COL28A1: variants seen among roughly 807,000 people sequenced by gnomAD.
COL28A1 encodes collagen type XXVIII alpha 1 chain, also known as collagen alpha-1(XXVIII) chain.
Under a neutral mutation model 150.2 loss-of-function variants are expected in COL28A1, and 161 were observed. That is an observed-to-expected ratio of 1.07 (90% CI 0.94 to 1.22). The LOEUF is 1.22. COL28A1 is among the 50% of genes most tolerant of loss of function. COL28A1 has a pLI of 0.00. For missense variants in COL28A1, 1,617 were observed against 1,388.3 expected (o/e 1.16, Z -2.62); for synonymous variants, 552 against 469.7 (o/e 1.18, Z -2.26).
chr7:7,451,888 G>GT (rs1163455490), intron 18 of COL28A1, among the ~76,000 whole-genome samples: 1 of 151,948 alleles, frequency 6.6e-6, no homozygotes, highest in Non-Finnish European at 1.5e-5. Flanking sequence ...TCAAATGCTC[G>GT]TAAGAATATG....
intron 18 of COL28A1, among the ~76,000 whole-genome samples, chr7:7,447,753 T>C (rs1216058637): frequency 6.6e-6 from 1 of 152,100 alleles, no homozygotes; most frequent in Non-Finnish European, 1.5e-5. Context: ...AAGAAAAGAT[T>C]AGTGAACTAA....
intron 11 of COL28A1, among the ~76,000 whole-genome samples, chr7:7,494,494 T>C (rs1467475879): frequency 1.3e-5 from 2 of 152,214 alleles, no homozygotes; most frequent in Non-Finnish European, 2.9e-5. Context: ...ATATCTGCCT[T>C]GTAGCATTGT....
chr7:7,375,718 C>A (rs568135632), intron 30 of COL28A1, among the ~76,000 whole-genome samples: 7 of 152,262 alleles, frequency 4.6e-5, no homozygotes, highest in Middle Eastern at 3.4e-3. Context: ...TTTTGGAATT[C>A]AAATTGCAAC....
the COL28A1 span, among the ~76,000 whole-genome samples, chr7:7,339,593 C>G: frequency 1.3e-5 from 2 of 152,106 alleles, no homozygotes; most frequent in African/African-American, 2.4e-5. Context: ...TCCTAGAGTT[C>G]TTCTCTTTCC....
At chr7:7,386,775 G>A (rs866788970) in intron 27 of COL28A1, among the ~76,000 whole-genome samples, 22 of 152,270 alleles carry the variant, frequency 1.4e-4, no homozygotes, top group Middle Eastern at 3.4e-3. Flanking sequence ...GCTAGCCTGG[G>A]AAGGGAAGCA....
intron 16 of COL28A1, among the ~76,000 whole-genome samples, chr7:7,455,188 C>T (rs961839253): frequency 2.6e-5 from 4 of 152,146 alleles, no homozygotes; most frequent in Non-Finnish European, 5.9e-5. Flanking sequence ...ATAATTCAAA[C>T]CTTACTCATA....
intron 27 of COL28A1, 54 bp downstream of exon 27, chr7:7,417,804 TC>T (rs373836398): frequency 6.1e-6 from 9 of 1,471,366 alleles, no homozygotes; most frequent in African/African-American, 5.6e-5. Context: ...CAACCTCTTC[TC>T]CCAATCACTC....
Position 7,531,798 on chromosome 7 carries a change from C to T in COL28A1, c.231G>A (p.Lys77=). The change falls in exon 3 of 35, where the codon AAG becomes AAA. Residue 77 remains lysine, a synonymous_variant. Transcript: ENST00000399429. ...QKDFVDSLSD[K]IFQLTPGRSL... Reference sequence around the variant, plus strand: ...AGCGACCAGGAGTCAATTGGAAAATCTTGTCACTCAAGCTATCCACAAAAT... The same window carrying T: ...AGCGACCAGGAGTCAATTGGAAAATTTTGTCACTCAAGCTATCCACAAAAT... 1.2e-6 allele frequency: 2 copies of T among 1,604,018 alleles called. No individual in the cohort carries two copies. The highest frequency in any genetic ancestry group is 1.7e-6 in the Non-Finnish European group (2 of 1,170,850).
At chr7:7,394,446 A>G (rs1256551837) in intron 27 of COL28A1, among the ~76,000 whole-genome samples, 2 of 152,226 alleles carry the variant, frequency 1.3e-5, no homozygotes, top group Non-Finnish European at 2.9e-5. Context: ...ATGGGAAACT[A>G]ATAATATTCT....
At chr7:7,395,603 C>G (rs901426389) in intron 27 of COL28A1, among the ~76,000 whole-genome samples, 2 of 152,162 alleles carry the variant, frequency 1.3e-5, no homozygotes, top group African/African-American at 4.8e-5. Context: ...AAACTTCTGG[C>G]TAACCATCAG....
intron 27 of COL28A1, among the ~76,000 whole-genome samples, chr7:7,401,297 C>G (rs1039915688): frequency 1.1e-4 from 17 of 151,832 alleles, no homozygotes; most frequent in Non-Finnish European, 2.5e-4. Context: ...TATACTCTCA[C>G]TCTCCACACG....
At chr7:7,395,929 A>G (rs1398031753) in intron 27 of COL28A1, among the ~76,000 whole-genome samples, 1 of 152,220 alleles carries the variant, frequency 6.6e-6, no homozygotes, top group Non-Finnish European at 1.5e-5. Context: ...CAAATAAAAC[A>G]GCCAGGATTA....
At chr7:7,378,918 T>C (rs544992035) in intron 30 of COL28A1, among the ~76,000 whole-genome samples, 15 of 152,226 alleles carry the variant, frequency 9.9e-5, no homozygotes, top group Non-Finnish European at 2.1e-4. Context: ...CCAGCATTCA[T>C]GCTGTGAACC....
intron 15 of COL28A1, among the ~76,000 whole-genome samples, chr7:7,462,730 A>T (rs567030132): frequency 1.3e-5 from 2 of 152,084 alleles, no homozygotes; most frequent in Non-Finnish European, 2.9e-5. Context: ...GTGGTGGCAC[A>T]TGCCTGTAAT....
At chr7:7,382,019 CAT>C (rs1274054472) in intron 27 of COL28A1, among the ~76,000 whole-genome samples, 1 of 152,056 alleles carries the variant, frequency 6.6e-6, no homozygotes, top group Admixed American at 6.6e-5. Flanking sequence ...TTAAAAAACA[CAT>C]GTTATTGGCT....
At chr7:7,365,939 A>G (rs1780912357) in intron 33 of COL28A1, among the ~76,000 whole-genome samples, 1 of 152,102 alleles carries the variant, frequency 6.6e-6, no homozygotes, top group African/African-American at 2.4e-5. Flanking sequence ...TGCATTTTAA[A>G]GTTACTGGGG....
chr7:7,341,847 G>T, the COL28A1 span, among the ~76,000 whole-genome samples: 1 of 151,732 alleles, frequency 6.6e-6, no homozygotes, highest in African/African-American at 2.4e-5. Flanking sequence ...GCTTTTTATG[G>T]ACCAGTATAT....
chr7:7,528,617 T>C (rs950324394), intron 3 of COL28A1, among the ~76,000 whole-genome samples: 4 of 152,218 alleles, frequency 2.6e-5, no homozygotes, highest in Admixed American at 6.5e-5. Context: ...AAAATCATTA[T>C]ACTGGGTACA....
chr7:7,436,248 T>A, intron 23 of COL28A1, 147 bp downstream of exon 23: 1 of 649,354 alleles, frequency 1.5e-6, no homozygotes. Context: ...TGATTGCTTG[T>A]TTTTTTAAAA....
Sources: allele counts gnomAD v4.1 joint callset (sites outside exome capture counted in the v4.1 genomes callset), GRCh38; gene constraint gnomAD v4.1.1; transcripts MANE v1.5; gene names NCBI Gene and HGNC (gene_info 2026-07-23, HGNC 2026-07-21).